FRMPD4: variants seen among roughly 807,000 people sequenced by gnomAD.
FRMPD4 encodes FERM and PDZ domain containing 4.
FRMPD4 carries 22 observed loss-of-function variants against 94.1 expected under a neutral mutation model. The observed-to-expected ratio is 0.23, with a 90% CI of 0.17 to 0.33. The LOEUF is 0.33. FRMPD4 is among the 10% of genes least tolerant of loss of function. FRMPD4 has a pLI of 1.00. For missense variants in FRMPD4, 1,111 were observed against 1,339.9 expected, an observed-to-expected ratio of 0.83 and a Z score of 2.67; for synonymous variants, 631 against 548.6, an observed-to-expected ratio of 1.15 and a Z score of -2.10.
chrX:12,597,156 A>T (rs182660890), intron 2 of FRMPD4, among the ~76,000 whole-genome samples: 1 of 112,236 alleles, frequency 8.9e-6, no homozygotes, highest in East Asian at 2.8e-4. Flanking sequence ...TCTTAAACAC[A>T]TTAAACTGAA....
chrX:12,297,566 A>G (rs1236965419), intron 1 of FRMPD4, among the ~76,000 whole-genome samples: 1 of 111,973 alleles, frequency 8.9e-6, no homozygotes, highest in African/African-American at 3.2e-5. Flanking sequence ...ACTGTGAAAA[A>G]TACAGGGAAT....
intron 3 of FRMPD4, among the ~76,000 whole-genome samples, chrX:12,094,469 G>A (rs2055181362): frequency 8.9e-6 from 1 of 111,905 alleles, no homozygotes; most frequent in Non-Finnish European, 1.9e-5. Context: ...TGTATCAGTA[G>A]TTCCAGAGGC....
intron 1 of FRMPD4, among the ~76,000 whole-genome samples, chrX:11,863,206 G>A (rs1222318432): frequency 2.8e-5 from 3 of 106,224 alleles, no homozygotes; most frequent in Non-Finnish European, 5.8e-5. Flanking sequence ...AGTGTGTGAT[G>A]TTCCCCTTCC....
Position 12,276,158 on chromosome X carries a change from T to A in FRMPD4, c.41+137146T>A, listed in dbSNP as rs1308197933. On this transcript the variant is annotated intron_variant, in intron 1 of 16. Coordinates refer to ENST00000675598, the MANE Select transcript of FRMPD4 (RefSeq NM_001368397.1). The stretch of plus-strand genomic sequence containing the variant: ...TCCATTTTTATATAAAGCAGAACTG[T>A]CTGATAGAAATGTGTAAGACATATA... Among the ~76,000 whole-genome samples, 3 of 112,647 alleles carry A rather than the reference T, an allele frequency of 2.7e-5. No homozygotes were observed. The East Asian group carries it at 8.3e-4, about 31-fold the overall frequency.
intron 3 of FRMPD4, among the ~76,000 whole-genome samples, chrX:11,962,219 C>T (rs1305181059): frequency 1.8e-5 from 2 of 111,953 alleles, no homozygotes; most frequent in Admixed American, 1.9e-4. Flanking sequence ...TTATAAGTTA[C>T]CCAGTCTAAA....
At chrX:12,042,131 T>C (rs1302084795) in intron 3 of FRMPD4, among the ~76,000 whole-genome samples, 1 of 111,271 alleles carries the variant, frequency 9.0e-6, no homozygotes, top group African/African-American at 3.3e-5. Context: ...CTTTAGCTTT[T>C]GATCATATTT....
chrX:12,527,638 T>C (rs1277812583), intron 2 of FRMPD4, among the ~76,000 whole-genome samples: 1 of 111,199 alleles, frequency 9.0e-6, no homozygotes, highest in Non-Finnish European at 1.9e-5. Context: ...TCTCCCATTT[T>C]AGACATCTGC....
chrX:12,580,604 G>A (rs2058854726), intron 2 of FRMPD4, among the ~76,000 whole-genome samples: 1 of 111,800 alleles, frequency 8.9e-6, no homozygotes, highest in African/African-American at 3.3e-5. Flanking sequence ...ACCCCTTCTC[G>A]TGATGATGTG....
At chrX:12,205,281 AC>A (rs1344933864) in intron 1 of FRMPD4, among the ~76,000 whole-genome samples, 1 of 111,002 alleles carries the variant, frequency 9.0e-6, no homozygotes, top group African/African-American at 3.3e-5. Flanking sequence ...CCAGTTATTA[AC>A]TACCCTGTTA....
At chrX:12,529,524 T>C (rs2058262363) in intron 2 of FRMPD4, among the ~76,000 whole-genome samples, 1 of 112,403 alleles carries the variant, frequency 8.9e-6, no homozygotes, top group South Asian at 3.7e-4. Context: ...GCCTAGCAGA[T>C]GCATAATTAT....
intron 1 of FRMPD4, among the ~76,000 whole-genome samples, chrX:12,360,207 C>T (rs2055963426): frequency 8.9e-6 from 1 of 111,775 alleles, no homozygotes. Flanking sequence ...AGGTTATGGA[C>T]CCAATTAAAT....
Position 12,711,170 on chromosome X carries a change from G to A in FRMPD4, c.1609+633G>A, listed in dbSNP as rs192710480. On this transcript the variant is annotated intron_variant, in intron 14 of 16. Transcript: ENST00000675598. ...ACTCTTACAGAGGTCAGGGCCAGAG[G>A]ACTAATGATGGAATGCCCGAACACG... 3.6e-3 allele frequency among the ~76,000 whole-genome samples: 404 copies of A among 111,517 alleles called. 1 individual carries two copies. The highest frequency in any genetic ancestry group is 3.6e-3 in the Non-Finnish European group (189 of 53,070).
At chrX:12,066,877 G>GTT (rs748986990) in intron 3 of FRMPD4, among the ~76,000 whole-genome samples, 3 of 97,357 alleles carry the variant, frequency 3.1e-5, no homozygotes, top group Non-Finnish European at 6.2e-5. Context: ...TTTTGTTTTT[G>GTT]TTTTTTTTTT....
chrX:11,830,385 T>C (rs2053468250), intron 1 of FRMPD4, among the ~76,000 whole-genome samples: 2 of 111,852 alleles, frequency 1.8e-5, no homozygotes, highest in Admixed American at 1.9e-4. Flanking sequence ...AAAATTGCTC[T>C]TTTTCACTCT....
At chrX:12,114,383 G>A (rs576958212) in intron 3 of FRMPD4, among the ~76,000 whole-genome samples, 2 of 111,443 alleles carry the variant, frequency 1.8e-5, no homozygotes, top group African/African-American at 6.5e-5. Context: ...CATCAAATAC[G>A]CATAAATTCC....
At chrX:12,670,295 A>G (rs1377714012) in intron 4 of FRMPD4, among the ~76,000 whole-genome samples, 2 of 111,946 alleles carry the variant, frequency 1.8e-5, no homozygotes, top group African/African-American at 3.2e-5. Flanking sequence ...GACTCAAATA[A>G]TATGATCTAA....
intron 2 of FRMPD4, among the ~76,000 whole-genome samples, chrX:11,877,277 G>A (rs1179429244): frequency 1.8e-5 from 2 of 112,062 alleles, no homozygotes; most frequent in African/African-American, 6.5e-5. Context: ...AGAAAGCCAT[G>A]GGAGAAGTTA....
At chrX:11,983,488 C>T (rs1200708424) in intron 3 of FRMPD4, among the ~76,000 whole-genome samples, 3 of 111,994 alleles carry the variant, frequency 2.7e-5, no homozygotes, top group Non-Finnish European at 3.8e-5. Context: ...CAATTTTGCC[C>T]TCCGGATTTT....
At chrX:12,338,622 C>T (rs1208648442) in intron 1 of FRMPD4, among the ~76,000 whole-genome samples, 13 of 112,477 alleles carry the variant, frequency 1.2e-4, no homozygotes, top group Non-Finnish European at 2.4e-4. Context: ...ATGTAGGGAT[C>T]GTTGCCTAGT....
Sources: gnomAD v4.1 joint callset for allele counts (sites outside exome capture counted in the v4.1 genomes callset) on GRCh38, gnomAD v4.1.1 for gene constraint, MANE v1.5 for transcripts, NCBI Gene and HGNC (gene_info 2026-07-23, HGNC 2026-07-21) for gene names.